The following ARRB1 variants were observed in gnomAD, a reference collection of about 807,000 sequenced individuals.
ARRB1 encodes the protein beta-arrestin-1.
ARRB1 carries 21 observed loss-of-function variants against 56.8 expected under a neutral mutation model. The observed-to-expected ratio is 0.37, with a 90% confidence interval of 0.26 to 0.53. ARRB1 has a LOEUF of 0.53. Among genes scored for constraint, ARRB1 ranks in the 20% least tolerant of loss-of-function variants. The pLI is 0.88. For missense variants in ARRB1, 424 were observed against 553.7 expected, an observed-to-expected ratio of 0.77 and a Z score of 2.35; for synonymous variants, 210 against 218.6, an observed-to-expected ratio of 0.96 and a Z score of 0.35.
intron 13 of ARRB1, among the ~76,000 whole-genome samples, chr11:75,269,571 C>T (rs971288368): frequency 6.6e-6 from 1 of 152,224 alleles, no homozygotes; most frequent in African/African-American, 2.4e-5. Context: ...ACCCAGCCAC[C>T]AGCCAGTGCT....
intron 9 of ARRB1, 57 bp from the exon 10 acceptor site, chr11:75,276,968 C>T (rs924383454): frequency 1.3e-6 from 2 of 1,542,492 alleles, no homozygotes; most frequent in Non-Finnish European, 1.8e-6. Context: ...CCCATGGAGT[C>T]TCACAGGCGT....
chr11:75,276,945 C>A lies in ARRB1; in HGVS notation c.704-34G>T, dbSNP rs747965170. ...GGAGAGGAATCAAGGTGGAGTGAGT[C>A]GGGAATGTAGCTCCCATGGAGTCTC... is the stretch of plus-strand genomic sequence containing the variant. On this transcript the variant is annotated intron_variant, in intron 9 of 15. Coordinates refer to ENST00000420843, the MANE Select transcript of ARRB1 (RefSeq NM_004041.5). 9.9e-6 allele frequency: 16 copies of A among 1,608,586 alleles called. 1 individual carries two copies. In the African/African-American group the frequency reaches 1.9e-4, roughly 19 times the overall value.
chr11:75,315,367 A>AC (rs1262046304), intron 1 of ARRB1, among the ~76,000 whole-genome samples: 1 of 151,416 alleles, frequency 6.6e-6, no homozygotes, highest in Non-Finnish European at 1.5e-5. Context: ...TGCCGCAGTG[A>AC]CCCCCCTCAG....
Position 75,271,696 on chromosome 11 carries a change from T to G in ARRB1, c.1022+5A>C, listed in dbSNP as rs1249526690. ...GGGTGAACCAGGTGGAAGGGAGGAA[T>G]TTACCTGGATGCAAGATCTCCCAAC... is the stretch of plus-strand genomic sequence containing the variant. On this transcript the variant is annotated splice_donor_5th_base_variant and intron_variant, in intron 13 of 15. Transcript: ENST00000420843. The G allele has an allele frequency of 6.4e-7, 1 of 1,566,578 alleles. No individual in the cohort carries two copies. The highest frequency in any genetic ancestry group is 8.7e-7 in the Non-Finnish European group (1 of 1,155,412).
At chr11:75,285,823 C>T (rs776221845) in intron 3 of ARRB1, among the ~76,000 whole-genome samples, 1 of 152,160 alleles carries the variant, frequency 6.6e-6, no homozygotes, top group Non-Finnish European at 1.5e-5. Context: ...TCTGGGCCAC[C>T]TCTGCTGCTG....
chr11:75,330,330 G>C (rs894925658), intron 1 of ARRB1, among the ~76,000 whole-genome samples: 1 of 152,276 alleles, frequency 6.6e-6, no homozygotes, highest in East Asian at 1.9e-4. Context: ...AGGAGTCCAG[G>C]AAAAGCTGTT....
chr11:75,262,132 G>T lies in ARRB1; in HGVS notation c.*4031C>A, dbSNP rs1945806091. The stretch of plus-strand genomic sequence containing the variant: ...GCTCCTGGAAGAGGCCTTACACTTT[G>T]AAGGGAAGGAACAGACAATTTCTAT... On this transcript the variant is annotated 3_prime_UTR_variant, in exon 16 of 16. Transcript: ENST00000420843. 6.6e-6 allele frequency: 1 copy of T among 152,230 alleles called. No homozygotes were observed. Among genetic ancestry groups the T allele is most frequent in the African/African-American group, 2.4e-5 (1 of 41,456 alleles). 9.4% of individuals were successfully genotyped at this position (152,230 alleles called of 1,614,324 possible).
At chr11:75,297,524 CA>C (rs777170149) in intron 1 of ARRB1, among the ~76,000 whole-genome samples, 2 of 150,690 alleles carry the variant, frequency 1.3e-5, no homozygotes, top group African/African-American at 4.9e-5. Context: ...GATAGTCGCA[CA>C]AAAAAAAACA....
chr11:75,273,055 G>T, intron 11 of ARRB1, 77 bp from the exon 12 acceptor site: 1 of 1,279,960 alleles, frequency 7.8e-7, no homozygotes. Flanking sequence ...GTATGCTGGG[G>T]GGCAGTGGCC....
chr11:75,295,497 C>T (rs965341411), intron 1 of ARRB1, among the ~76,000 whole-genome samples: 4 of 152,180 alleles, frequency 2.6e-5, no homozygotes, highest in African/African-American at 9.7e-5. Context: ...ACCTCCTCTT[C>T]TGCCTCTCTC....
intron 1 of ARRB1, among the ~76,000 whole-genome samples, 156 bp from the exon 2 acceptor site, chr11:75,290,195 C>T (rs1309064539): frequency 1.3e-5 from 2 of 152,262 alleles, no homozygotes; most frequent in Non-Finnish European, 2.9e-5. Flanking sequence ...GTAATCCGCT[C>T]TTACCATCTC....
intron 1 of ARRB1, among the ~76,000 whole-genome samples, chr11:75,296,622 C>T (rs1482696186): frequency 6.6e-6 from 1 of 152,156 alleles, no homozygotes; most frequent in Non-Finnish European, 1.5e-5. Context: ...CCTTCCAAGA[C>T]TGATTACACC....
intron 3 of ARRB1, among the ~76,000 whole-genome samples, chr11:75,285,916 C>G (rs1946457960): frequency 6.6e-6 from 1 of 152,186 alleles, no homozygotes; most frequent in South Asian, 2.1e-4. Flanking sequence ...CACAGATGAA[C>G]ACCAGGATGC....
At chr11:75,294,450 G>T (rs970567871) in intron 1 of ARRB1, among the ~76,000 whole-genome samples, 5 of 151,932 alleles carry the variant, frequency 3.3e-5, no homozygotes, top group African/African-American at 9.7e-5. Flanking sequence ...CCAGCTATTC[G>T]GGAGGCTGAG....
At chr11:75,332,625 G>A (rs900563235) in intron 1 of ARRB1, among the ~76,000 whole-genome samples, 2 of 152,158 alleles carry the variant, frequency 1.3e-5, no homozygotes, top group African/African-American at 2.4e-5. Context: ...GGCCAGGCGC[G>A]GTGGCTCACG....
At chr11:75,347,133 G>A (rs181412834) in intron 1 of ARRB1, among the ~76,000 whole-genome samples, 21 of 152,380 alleles carry the variant, frequency 1.4e-4, no homozygotes, top group East Asian at 1.4e-3. Flanking sequence ...CCATGCCAAC[G>A]GGAGGCGTCA....
chr11:75,297,480 A>G (rs1392419518), intron 1 of ARRB1, among the ~76,000 whole-genome samples: 1 of 152,162 alleles, frequency 6.6e-6, no homozygotes, highest in African/African-American at 2.4e-5. Context: ...TGGGGAAAGA[A>G]CATTGTTTTC....
At position 75,287,390 on chromosome 11, in the gene ARRB1, C is replaced by T. The variant is rs761319751; in HGVS notation, c.52-15G>A. 19 of 1,556,652 alleles carry T rather than the reference C, an allele frequency of 1.2e-5. No homozygotes were observed. The African/African-American group carries it at 2.5e-4, about 20-fold the overall frequency. ...TAGACGGTGAGCTGAGGAGGAGAGG[C>T]ATAGGGGGCGTTAGCAGCTGCAGGC... is the stretch of plus-strand genomic sequence containing the variant. On this transcript the variant is annotated splice_polypyrimidine_tract_variant and intron_variant, in intron 2 of 15. Coordinates refer to ENST00000420843, the MANE Select transcript of ARRB1 (RefSeq NM_004041.5).
intron 1 of ARRB1, among the ~76,000 whole-genome samples, chr11:75,290,619 A>C (rs1338682121): frequency 2.0e-5 from 3 of 151,984 alleles, no homozygotes; most frequent in Non-Finnish European, 4.4e-5. Flanking sequence ...TCACTCTGTC[A>C]CTCAGGCTGG....
Sources: allele counts gnomAD v4.1 joint callset (sites outside exome capture counted in the v4.1 genomes callset), GRCh38; gene constraint gnomAD v4.1.1; transcripts MANE v1.5; gene names NCBI Gene and HGNC (gene_info 2026-07-23, HGNC 2026-07-21).